Variants in FABP12 observed in about 807,000 individuals in gnomAD.
The protein encoded by FABP12 is fatty acid-binding protein 12.
FABP12 carries 19 observed loss-of-function variants against 13.7 expected under a neutral mutation model. The ratio of observed to expected loss-of-function variants is 1.39; its 90% CI spans 0.97 to 2.04. FABP12 has a LOEUF of 2.04. Ranked by LOEUF, FABP12 falls within the 30% of genes most tolerant of loss-of-function variation. The pLI is 0.00. For missense variants in FABP12, 182 were observed against 164.2 expected (o/e 1.11, Z -0.59); for synonymous variants, 61 against 57.0 (o/e 1.07, Z -0.32).
At chr8:81,577,436 A>G (rs900465101) in intron 1 of FABP12, among the ~76,000 whole-genome samples, 2 of 152,192 alleles carry the variant, frequency 1.3e-5, no homozygotes, top group Non-Finnish European at 2.9e-5. Context: ...GCTTTAATAT[A>G]TTTAGTTATT....
chr8:81,578,929 C>T (rs557537279), intron 1 of FABP12, among the ~76,000 whole-genome samples: 10 of 143,606 alleles, frequency 7.0e-5, no homozygotes, highest in East Asian at 2.2e-4. Flanking sequence ...CCCGGGTTCA[C>T]GCCATTCTCC....
chr8:81,576,878 G>T (rs896951861), intron 1 of FABP12, among the ~76,000 whole-genome samples: 8 of 152,128 alleles, frequency 5.3e-5, no homozygotes, highest in African/African-American at 1.9e-4. Context: ...GTACAAAAGA[G>T]AATTTTAGAC....
chr8:81,562,636 A>G (rs1415648192), intron 1 of FABP12, among the ~76,000 whole-genome samples: 3 of 152,078 alleles, frequency 2.0e-5, no homozygotes. Flanking sequence ...GCCAGGCAGT[A>G]CTCACTGTGG....
At chr8:81,528,492 T>C (rs1808968891) in intron 3 of FABP12, among the ~76,000 whole-genome samples, 1 of 152,248 alleles carries the variant, frequency 6.6e-6, no homozygotes, top group Non-Finnish European at 1.5e-5. Flanking sequence ...ACTCTCATAT[T>C]CATTTAGTAA....
At chr8:81,553,975 T>C (rs1440328133) in intron 1 of FABP12, among the ~76,000 whole-genome samples, 3 of 152,206 alleles carry the variant, frequency 2.0e-5, no homozygotes, top group Non-Finnish European at 4.4e-5. Flanking sequence ...AGTACTTCAT[T>C]AAGGTGTCCC....
At chr8:81,578,865 C>T (rs1470818610) in intron 1 of FABP12, among the ~76,000 whole-genome samples, 1 of 130,920 alleles carries the variant, frequency 7.6e-6, no homozygotes, top group African/African-American at 3.0e-5. Context: ...CGCTCTGTCA[C>T]CCAAGCTGGA....
At chr8:81,525,295 C>T (rs888157447) in intron 4 of FABP12, among the ~76,000 whole-genome samples, 175 bp from the exon 5 acceptor site, 1 of 152,144 alleles carries the variant, frequency 6.6e-6, no homozygotes, top group Admixed American at 6.6e-5. Flanking sequence ...GTGGGCACAT[C>T]ACCTGAGGTC....
At chr8:81,555,430 C>T (rs746017207) in intron 1 of FABP12, among the ~76,000 whole-genome samples, 4 of 152,088 alleles carry the variant, frequency 2.6e-5, no homozygotes, top group Non-Finnish European at 5.9e-5. Flanking sequence ...TAATACCAGA[C>T]AAATGGTTCC....
chr8:81,554,634 C>T (rs1754724878), intron 1 of FABP12, among the ~76,000 whole-genome samples: 1 of 152,120 alleles, frequency 6.6e-6, no homozygotes, highest in Admixed American at 6.6e-5. Flanking sequence ...CATCTTTAGG[C>T]ATTGACTACA....
At chr8:81,583,093 C>G (rs1478062915) in intron 1 of FABP12, among the ~76,000 whole-genome samples, 2 of 152,106 alleles carry the variant, frequency 1.3e-5, no homozygotes, top group Non-Finnish European at 2.9e-5. Context: ...ACAACAGACT[C>G]TTGAAAGACC....
intron 1 of FABP12, among the ~76,000 whole-genome samples, chr8:81,585,251 G>A (rs750281941): frequency 6.6e-6 from 1 of 152,012 alleles, no homozygotes; most frequent in African/African-American, 2.4e-5. Flanking sequence ...GTGATTTGCC[G>A]CTTTTTGTGT....
chr8:81,562,002 C>T (rs1346636006), intron 1 of FABP12, among the ~76,000 whole-genome samples: 1 of 152,168 alleles, frequency 6.6e-6, no homozygotes, highest in Non-Finnish European at 1.5e-5. Flanking sequence ...CCTCTTCCAA[C>T]ACCAGGCAGT....
chr8:81,527,376 T>C (rs1247876538), intron 3 of FABP12, among the ~76,000 whole-genome samples: 1 of 152,166 alleles, frequency 6.6e-6, no homozygotes, highest in Admixed American at 6.5e-5. Context: ...TTTTCTTTTT[T>C]TTTGAGACAG....
intron 1 of FABP12, among the ~76,000 whole-genome samples, chr8:81,556,526 C>T (rs1428888904): frequency 6.6e-6 from 1 of 151,236 alleles, no homozygotes. Context: ...AATAATAATA[C>T]AATAGTCATT....
At chr8:81,531,054 T>C (rs1809060308) in intron 2 of FABP12, among the ~76,000 whole-genome samples, 189 bp downstream of exon 2, 2 of 152,232 alleles carry the variant, frequency 1.3e-5, no homozygotes, top group African/African-American at 4.8e-5. Context: ...TGGTAACTTA[T>C]ATGAGAGATT....
At chr8:81,552,685 C>T (rs750261400) in intron 1 of FABP12, among the ~76,000 whole-genome samples, 9 of 152,082 alleles carry the variant, frequency 5.9e-5, no homozygotes, top group African/African-American at 9.7e-5. Flanking sequence ...AGGAAAGTAG[C>T]TTTTTTGGGT....
At chr8:81,530,085 G>GT (rs1809026036) in intron 2 of FABP12, among the ~76,000 whole-genome samples, 1 of 152,108 alleles carries the variant, frequency 6.6e-6, no homozygotes, top group Admixed American at 6.6e-5. Flanking sequence ...AATGATGTAT[G>GT]TTTTTATTGT....
intron 2 of FABP12, among the ~76,000 whole-genome samples, chr8:81,529,829 A>G (rs995979594): frequency 1.3e-5 from 2 of 152,146 alleles, no homozygotes; most frequent in Admixed American, 6.5e-5. Flanking sequence ...AAAATAGACT[A>G]TCTTTGCAGA....
chr8:81,526,076 G>T (rs961235595), intron 4 of FABP12: 20 of 152,104 alleles, frequency 1.3e-4, no homozygotes, highest in Admixed American at 5.2e-4. Context: ...ATTATAAACA[G>T]CAATAAAATC....
Sources: allele counts gnomAD v4.1 joint callset (sites outside exome capture counted in the v4.1 genomes callset), GRCh38; gene constraint gnomAD v4.1.1; transcripts MANE v1.5; gene names NCBI Gene and HGNC (gene_info 2026-07-23, HGNC 2026-07-21).